Variants in PRR14 observed in about 807,000 individuals in gnomAD.
PRR14 encodes the protein proline-rich protein 14.
A neutral mutation model predicts 57.2 loss-of-function variants in PRR14; 33 were observed. The observed-to-expected ratio is 0.58, with a 90% CI of 0.44 to 0.77. The LOEUF (loss-of-function observed/expected upper bound fraction) is 0.77. PRR14 is among the 30% of genes least tolerant of loss of function. The pLI, the probability that PRR14 is intolerant of heterozygous loss-of-function variation, is 0.00. For synonymous variants in PRR14, 303 were observed against 314.7 expected, an observed-to-expected ratio of 0.96 and a Z score of 0.39; for missense variants, 716 against 788.1, an observed-to-expected ratio of 0.91 and a Z score of 1.10.
chr16:30,652,279 G>T, intron 3 of PRR14: 1 of 585,838 alleles, frequency 1.7e-6, no homozygotes, highest in Non-Finnish European at 3.2e-6. Flanking sequence ...GCACAAGCTG[G>T]TCTCAAACTG....
chr16:30,652,322 A>T (rs1206687590), intron 3 of PRR14: 2 of 565,242 alleles, frequency 3.5e-6, no homozygotes, highest in Non-Finnish European at 6.7e-6. Context: ...CTGCCTCCCA[A>T]AGTATTGGGA....
In PRR14 at chr16:30,651,300, A is replaced by C; in HGVS notation, c.-51+173A>C. 2 of 354,558 alleles carry C rather than the reference A, an allele frequency of 5.6e-6. No homozygotes were observed. The allele number at this position is 354,558 out of a possible 1,614,324, so 22.0% of individuals were successfully genotyped here. A position where few individuals can be genotyped will look rare whatever the true frequency, so the allele number is the denominator to read the frequency against. On this transcript the variant is annotated intron_variant, in intron 1 of 11. Transcript: ENST00000300835. This position sits in a 1 kb window ranked among gnomAD's most constrained non-coding sequence, Gnocchi z 5.0. ...CCGGGATCCCCGTGGATCCCGGGGGATCTCGGGGCATAATCTGCAGGGACA... is the reference window on the plus strand; with the variant it reads ...CCGGGATCCCCGTGGATCCCGGGGGCTCTCGGGGCATAATCTGCAGGGACA...
chr16:30,651,880 G>C lies in PRR14; in HGVS notation c.108G>C (p.Gln36His), dbSNP rs770645350. 1.9e-6 allele frequency: 3 copies of C among 1,606,528 alleles called. No homozygotes were observed. The South Asian group carries it at 3.3e-5, about 18-fold the overall frequency. The change falls in exon 3 of 12, where the codon CAG becomes CAC. Residue 36 changes from glutamine (Q) to histidine (H), a missense_variant. Physicochemically the swap from Gln to His is conservative, Grantham distance 24 (BLOSUM62 0). Coordinates refer to ENST00000300835, the MANE Select transcript of PRR14 (RefSeq NM_024031.5). The surrounding 1 kb of genome is among the most constrained non-coding windows in gnomAD (Gnocchi z 5.0). ...GARSPKRPRL[Q>H]LPGAPSPLEK... ...GGAGCCCGAAACGGCCGAGGCTGCA[G>C]CTCCCGGGGGCCCCTTCTCCCCTGG...
rs1488064012 is a variant in PRR14, at chr16:30,656,191, T to C, written c.1638T>C (p.Val546=). ...RGVRAAGGRT[V]PPNVAPSPDV... ...TCCGGGCTGCAGGGGGCAGGACTGT[T>C]CCTCCCAATGTGGCCCCCAGCCCTG... Residue 546 remains valine (V), a synonymous_variant, in exon 12 of 12, where the codon GTT becomes GTC. Transcript: ENST00000300835. The C allele has an allele frequency of 1.2e-6, 2 of 1,611,326 alleles. No homozygotes were observed. The highest frequency in any genetic ancestry group is 1.7e-6 in the Non-Finnish European group (2 of 1,179,148).
intron 3 of PRR14, chr16:30,652,317 T>C (rs756800112): frequency 3.5e-6 from 2 of 567,992 alleles, no homozygotes; most frequent in South Asian, 1.5e-5. Context: ...CATCTCTGCC[T>C]CCCAAAGTAT....
At position 30,655,285 on chromosome 16, in the gene PRR14, G is replaced by T. The variant is rs1299717245; in HGVS notation, c.1245-66G>T. 1 of 1,604,644 alleles carries T rather than the reference G, an allele frequency of 6.2e-7. No individual in the cohort carries two copies. Among genetic ancestry groups the T allele is most frequent in the African/African-American group, 1.3e-5 (1 of 74,726 alleles). On this transcript the variant is annotated intron_variant, in intron 8 of 11. Transcript: ENST00000300835. The surrounding 1 kb of genome is among the most constrained non-coding windows in gnomAD (Gnocchi z 4.6). ...CCCAGCCTCCTTCCCTGAGTATCCAGTGGGCAGGAGACGGGGGATAATGCA... is the reference window on the plus strand; with the variant it reads ...CCCAGCCTCCTTCCCTGAGTATCCATTGGGCAGGAGACGGGGGATAATGCA...
chr16:30,656,111 G>T lies in PRR14; in HGVS notation c.1558G>T (p.Ala520Ser). 1 of 1,568,390 alleles carries T rather than the reference G, an allele frequency of 6.4e-7. No individual in the cohort carries two copies. Among genetic ancestry groups the T allele is most frequent in the African/African-American group, 1.4e-5 (1 of 73,124 alleles). ...IFTSSRKLRR[A>S]VEFRDSSLPR... Reference sequence around the variant, plus strand: ...CACCAGCTCAAGGAAGCTCCGGCGGGCTGTGGAATTTCGGGACAGCAGCCT... The same window carrying T: ...CACCAGCTCAAGGAAGCTCCGGCGGTCTGTGGAATTTCGGGACAGCAGCCT... Residue 520 changes from alanine (A) to serine (S), a missense_variant, in exon 12 of 12, where the codon GCT (alanine) becomes TCT (serine). By Grantham distance (99) the Ala-to-Ser change is moderately conservative. Transcript: ENST00000300835.
chr16:30,652,968 C>T lies in PRR14; in HGVS notation c.369C>T (p.Thr123=), dbSNP rs2052329171. 3 of 1,614,154 alleles carry T rather than the reference C, an allele frequency of 1.9e-6. No homozygotes were observed. Among genetic ancestry groups the T allele is most frequent in the Non-Finnish European group, 8.5e-7 (1 of 1,180,014 alleles). Residue 123 remains threonine (T), a synonymous_variant, in exon 5 of 12, where the codon ACC becomes ACT. Coordinates refer to ENST00000300835, the MANE Select transcript of PRR14 (RefSeq NM_024031.5). ...CREPLSRIHR[T]SSTLRRRSRT... is the part of the protein sequence containing the mutation. ...AGCCCTTGAGCCGCATCCACCGGAC[C>T]TCTTCCACCCTGAGGCGGCGATCAA...
Position 30,655,587 on chromosome 16 carries a change from C to T in PRR14, c.1400C>T (p.Pro467Leu). The T allele has an allele frequency of 6.2e-7, 1 of 1,613,916 alleles. No homozygotes were observed. Among genetic ancestry groups the T allele is most frequent in the Non-Finnish European group, 8.5e-7 (1 of 1,179,784 alleles). ...LNLTPMGLPR[P>L]IRLNKKEFSL... ...CTTACACCAATGGGACTGCCTCGAC[C>T]AATCAGGTGAGGGGCTCACTGGGCA... Residue 467 changes from proline (P) to leucine (L), a missense_variant, in exon 10 of 12, where the codon CCA becomes CTA. Coordinates refer to ENST00000300835, the MANE Select transcript of PRR14 (RefSeq NM_024031.5). This position sits in a 1 kb window ranked among gnomAD's most constrained non-coding sequence, Gnocchi z 4.6.
Position 30,651,703 on chromosome 16 carries a change from C to A in PRR14, c.23+35C>A, listed in dbSNP as rs2151257105. ...TACCCGGGCGGCCCGCCTGTCTTGA[C>A]CCCGGGAGATGGGGATCCTGGCGAC... On this transcript the variant is annotated intron_variant, in intron 2 of 11. Transcript: ENST00000300835. The surrounding 1 kb of genome is among the most constrained non-coding windows in gnomAD (Gnocchi z 5.0). 2 of 1,612,346 alleles carry A rather than the reference C, an allele frequency of 1.2e-6. No homozygotes were observed. The highest frequency in any genetic ancestry group is 4.5e-5 in the East Asian group (2 of 44,850).
In PRR14 at chr16:30,655,939, G is replaced by A. The variant is rs375818447; in HGVS notation, c.1478G>A (p.Arg493Lys). 1.9e-6 allele frequency: 3 copies of A among 1,614,088 alleles called. No homozygotes were observed. Among genetic ancestry groups the A allele is most frequent in the Non-Finnish European group, 2.5e-6 (3 of 1,179,970 alleles). ...AATTACCAATCACCCACAACCAGGAGGTGAGACACTTGGAAGGCTAGAGGG... is the reference window on the plus strand; with the variant it reads ...AATTACCAATCACCCACAACCAGGAAGTGAGACACTTGGAAGGCTAGAGGG... ...NKNYQSPTTR[R>K]TFETIFEEPR... Residue 493 changes from arginine to lysine, a missense_variant and splice_region_variant, in exon 11 of 12, where the codon AGG becomes AAG. Physicochemically the swap from Arg to Lys is conservative, Grantham distance 26. Transcript: ENST00000300835. This position sits in a 1 kb window ranked among gnomAD's most constrained non-coding sequence, Gnocchi z 4.6.
Position 30,651,918 on chromosome 16 carries a change from G to A in PRR14, c.146G>A (p.Arg49Gln), listed in dbSNP as rs2052317607. ...CCTTCTCCCCTGGAAAAGGCCTCTC[G>A]GCGGGTCCTGGCCGTGGTGCTAGAA... is the stretch of plus-strand genomic sequence containing the variant. Reference protein sequence around the residue: ...GAPSPLEKASRRVLAVVLEDV... With the variant: ...GAPSPLEKASQRVLAVVLEDV... The change falls in exon 3 of 12, where the codon CGG (arginine) becomes CAG (glutamine). Residue 49 changes from arginine (R) to glutamine (Q), a missense_variant. Transcript: ENST00000300835. The surrounding 1 kb of genome is among the most constrained non-coding windows in gnomAD (Gnocchi z 5.0). The A allele has an allele frequency of 6.3e-7, 1 of 1,580,564 alleles. No homozygotes were observed. Among genetic ancestry groups the A allele is most frequent in the Non-Finnish European group, 8.6e-7 (1 of 1,164,456 alleles).
chr16:30,655,067 G>GCCCCGGCACAC lies in PRR14; in HGVS notation c.1097_1098insCCCCGGCACAC (p.Gly367ProfsTer95). On this transcript the variant is annotated frameshift_variant, in exon 8 of 12. Transcript: ENST00000300835. LOFTEE classifies it high-confidence loss of function. The surrounding 1 kb of genome is among the most constrained non-coding windows in gnomAD (Gnocchi z 4.6). ...CGGCCGCGGCGGCACACTGTGGGTG[G>GCCCCGGCACAC]TGGGGAAATGGCCCGAGCCCCGCCA... 1 of 1,611,608 alleles carries GCCCCGGCACAC rather than the reference G, an allele frequency of 6.2e-7. No homozygotes were observed. Among genetic ancestry groups the GCCCCGGCACAC allele is most frequent in the Non-Finnish European group, 8.5e-7 (1 of 1,179,956 alleles).
At position 30,650,975 on chromosome 16, in the gene PRR14, A is replaced by G. The variant is rs1325885747; in HGVS notation, c.-203A>G. On this transcript the variant is annotated 5_prime_UTR_variant, in exon 1 of 12. Transcript: ENST00000300835. Reference sequence around the variant, plus strand: ...GGGACCTCCCGGGATTGGAGTGAAGAGGGTATCTGCTTGACAGTGGATCCC... The same window carrying G: ...GGGACCTCCCGGGATTGGAGTGAAGGGGGTATCTGCTTGACAGTGGATCCC... 2.2e-6 allele frequency: 1 copy of G among 452,804 alleles called. No individual in the cohort carries two copies. The highest frequency in any genetic ancestry group is 2.4e-5 in the Admixed American group (1 of 42,488). The allele number at this position is 452,804 out of a possible 1,614,324, so 28.0% of individuals were successfully genotyped here. A position where few individuals can be genotyped will look rare whatever the true frequency, so the allele number is the denominator to read the frequency against.
At position 30,655,111 on chromosome 16, in the gene PRR14, C is replaced by T. The variant is rs1389554649; in HGVS notation, c.1141C>T (p.Arg381Trp). ...CCCGCCACCCCCTCGGCCCTGTCTCCGGAAAGAGGTCTTCCCTCTCGGAGG... is the reference window on the plus strand; with the variant it reads ...CCCGCCACCCCCTCGGCCCTGTCTCTGGAAAGAGGTCTTCCCTCTCGGAGG... ...RAPPPPRPCL[R>W]KEVFPLGGVG... The change falls in exon 8 of 12, where the codon CGG becomes TGG. Residue 381 changes from arginine to tryptophan, a missense_variant. Arg to Trp is a moderately radical substitution (Grantham distance 101). Transcript: ENST00000300835. This position sits in a 1 kb window ranked among gnomAD's most constrained non-coding sequence, Gnocchi z 4.6. The T allele has an allele frequency of 4.3e-6, 7 of 1,611,862 alleles. No homozygotes were observed. Among genetic ancestry groups the T allele is most frequent in the South Asian group, 1.1e-5 (1 of 91,054 alleles).
Position 30,651,036 on chromosome 16 carries a change from C to T in PRR14, c.-142C>T, listed in dbSNP as rs1182742485. On this transcript the variant is annotated 5_prime_UTR_variant, in exon 1 of 12. Coordinates refer to ENST00000300835, the MANE Select transcript of PRR14 (RefSeq NM_024031.5). The surrounding 1 kb of genome is among the most constrained non-coding windows in gnomAD (Gnocchi z 5.0). ...CGCTGAGTTCGGAGATGCTCCAGCTCGGGCCGCCCCTGTCTGAGCGGAGCT... is the reference window on the plus strand; with the variant it reads ...CGCTGAGTTCGGAGATGCTCCAGCTTGGGCCGCCCCTGTCTGAGCGGAGCT... The T allele has an allele frequency of 4.4e-6, 2 of 456,406 alleles. No homozygotes were observed. Among genetic ancestry groups the T allele is most frequent in the Non-Finnish European group, 8.8e-6 (2 of 226,752 alleles). 28.3% of individuals were successfully genotyped at this position (456,406 alleles called of 1,614,324 possible). A position where few individuals can be genotyped will look rare whatever the true frequency, so the allele number is the denominator to read the frequency against.
chr16:30,655,874 CAAGAAG>C lies in PRR14; in HGVS notation c.1414_1419del (p.Lys472_Lys473del), dbSNP rs1242973393. 1 of 1,614,006 alleles carries C rather than the reference CAAGAAG, an allele frequency of 6.2e-7. No individual in the cohort carries two copies. The highest frequency in any genetic ancestry group is 8.5e-7 in the Non-Finnish European group (1 of 1,180,018). ...CTCTGCTCTTTGCTCACAGGTTGAA[CAAGAAG>C]GAGTTCAGCTTGGAAGAAATTTACA... On this transcript the variant is annotated inframe_deletion, in exon 11 of 12. Coordinates refer to ENST00000300835, the MANE Select transcript of PRR14 (RefSeq NM_024031.5). The surrounding 1 kb of genome is among the most constrained non-coding windows in gnomAD (Gnocchi z 4.6).
In PRR14 at chr16:30,652,746, C is replaced by T. The variant is rs749886477; in HGVS notation, c.218C>T (p.Thr73Ile). The T allele has an allele frequency of 1.9e-6, 3 of 1,614,204 alleles. No homozygotes were observed. Among genetic ancestry groups the T allele is most frequent in the Non-Finnish European group, 1.7e-6 (2 of 1,180,038 alleles). ...GTCCCCGTGGTGCCCTCAAAGCAGA[C>T]CTCCATACCACAGCACCACAGCTAC... Reference protein sequence around the residue: ...HMVPVVPSKQTSIPQHHSYHQ... With the variant: ...HMVPVVPSKQISIPQHHSYHQ... The change falls in exon 4 of 12, where the codon ACC (threonine) becomes ATC (isoleucine). Residue 73 changes from threonine (T) to isoleucine (I), a missense_variant. Thr to Ile is a moderately conservative substitution (Grantham distance 89). Transcript: ENST00000300835.
chr16:30,652,649 G>A, intron 3 of PRR14, 72 bp from the exon 4 acceptor site: 1 of 1,591,084 alleles, frequency 6.3e-7, no homozygotes, highest in South Asian at 1.1e-5. Context: ...AGGGCACTGT[G>A]AGGCACAGGG....
Sources: gnomAD v4.1 joint callset for allele counts on GRCh38, gnomAD v4.1.1 for gene constraint, Gnocchi (gnomAD v3.1) non-coding constraint, MANE v1.5 for transcripts, NCBI Gene and HGNC (gene_info 2026-07-23, HGNC 2026-07-21) for gene names.